KCNIP4: variants seen among roughly 807,000 people sequenced by gnomAD.
KCNIP4 encodes the protein potassium voltage-gated channel interacting protein 4.
A neutral mutation model predicts 34.0 loss-of-function variants in KCNIP4; 12 were observed. The observed-to-expected ratio is 0.35, with a 90% CI of 0.23 to 0.57. The LOEUF (loss-of-function observed/expected upper bound fraction) is 0.57. Ranked by LOEUF, KCNIP4 falls within the 20% of genes least tolerant of loss-of-function variation. The pLI is 0.83. For missense variants in KCNIP4, 238 were observed against 311.7 expected, an observed-to-expected ratio of 0.76 and a Z score of 1.78; for synonymous variants, 124 against 102.2, an observed-to-expected ratio of 1.21 and a Z score of -1.29.
intron 1 of KCNIP4, among the ~76,000 whole-genome samples, chr4:21,565,956 C>T (rs1443831775): frequency 4.0e-5 from 6 of 151,480 alleles, no homozygotes; most frequent in Non-Finnish European, 7.4e-5. Context: ...CCAGATAGCA[C>T]AAAAAAAGAA....
At chr4:21,420,782 A>G (rs114352354) in intron 1 of KCNIP4, among the ~76,000 whole-genome samples, 2,868 of 152,346 alleles carry the variant, frequency 0.019, 89 homozygotes, top group African/African-American at 0.066. Flanking sequence ...GCAAAAGCAG[A>G]TAAATAAGAT....
chr4:20,947,222 G>A (rs1732279982), intron 1 of KCNIP4, among the ~76,000 whole-genome samples: 1 of 152,150 alleles, frequency 6.6e-6, no homozygotes, highest in Non-Finnish European at 1.5e-5. Flanking sequence ...AGGGTGGAGT[G>A]CAGTGGTGCC....
chr4:21,337,856 G>A (rs1351964907), intron 1 of KCNIP4, among the ~76,000 whole-genome samples: 4 of 152,086 alleles, frequency 2.6e-5, no homozygotes, highest in Non-Finnish European at 5.9e-5. Context: ...CAGTTTGTTA[G>A]CATTAGGATT....
At chr4:20,919,277 T>A (rs947408582) in intron 1 of KCNIP4, among the ~76,000 whole-genome samples, 4 of 152,074 alleles carry the variant, frequency 2.6e-5, no homozygotes, top group Admixed American at 2.6e-4. Flanking sequence ...GCTCCTATTA[T>A]TGAACCAGGA....
At position 21,752,574 on chromosome 4, in the gene KCNIP4, G is replaced by T. The variant is rs112180918; in HGVS notation, c.61+195997C>A. Among the ~76,000 whole-genome samples the T allele has an allele frequency of 7.3e-4, 111 of 152,026 alleles. No homozygotes were observed. In the South Asian group the frequency reaches 0.012, roughly 16 times the overall value. On this transcript the variant is annotated intron_variant, in intron 1 of 8. Transcript: ENST00000382152. ...ACACAAAGCCTAACCATATCACATG[G>T]GTACTAGAGGAAGAAAAAAAAGGGA...
At chr4:20,959,673 TCATCG>T (rs1490231445) in intron 1 of KCNIP4, among the ~76,000 whole-genome samples, 5 of 152,194 alleles carry the variant, frequency 3.3e-5, no homozygotes, top group African/African-American at 1.2e-4. Context: ...TACACCACTA[TCATCG>T]CATTTTATGA....
intron 1 of KCNIP4, among the ~76,000 whole-genome samples, chr4:21,897,521 C>T (rs1231860832): frequency 5.3e-5 from 8 of 151,982 alleles, no homozygotes; most frequent in Admixed American, 3.9e-4. Flanking sequence ...TTCCTTTATA[C>T]CTAAGTGCTA....
chr4:20,946,087 G>A (rs534417084), intron 1 of KCNIP4, among the ~76,000 whole-genome samples: 12 of 152,192 alleles, frequency 7.9e-5, no homozygotes, highest in African/African-American at 1.7e-4. Context: ...TTTTGGACAC[G>A]GTCATGAACA....
At position 21,532,508 on chromosome 4, in the gene KCNIP4, G is replaced by C. The variant is rs574352300; in HGVS notation, c.61+416063C>G. Among the ~76,000 whole-genome samples the C allele has an allele frequency of 3.2e-4, 49 of 152,206 alleles. 1 individual carries two copies. Among genetic ancestry groups the C allele is most frequent in the African/African-American group, 1.1e-3 (47 of 41,524 alleles). On this transcript the variant is annotated intron_variant, in intron 1 of 8. Transcript: ENST00000382152. ...TTGTGCATGCTGAAAGACCACAGTG[G>C]GAAGCACACAGGCAGAGGGAAATCT...
rs28415080 is a variant in KCNIP4 at position 21,278,219 on chromosome 4, T to G, written c.62-395510A>C. On this transcript the variant is annotated intron_variant, in intron 1 of 8. Transcript: ENST00000382152. ...AAGATAATTCTTTGTTAACTTTTAT[T>G]TTAAGTTCAGGGGCACATGTGCAGG... Among the ~76,000 whole-genome samples the G allele has an allele frequency of 5.4e-3, 826 of 152,232 alleles. 11 individuals are homozygous for G. Among genetic ancestry groups the G allele is most frequent in the African/African-American group, 0.019 (771 of 41,544 alleles).
intron 1 of KCNIP4, among the ~76,000 whole-genome samples, chr4:21,757,210 A>G (rs867214640): frequency 0.026 from 557 of 21,180 alleles, 5 homozygotes; most frequent in East Asian, 0.054. Context: ...AAAGAAAGAA[A>G]GAAAGAAAGA....
intron 1 of KCNIP4, among the ~76,000 whole-genome samples, chr4:21,063,771 A>G (rs952819590): frequency 1.3e-5 from 2 of 152,140 alleles, no homozygotes; most frequent in African/African-American, 4.8e-5. Context: ...TACCAGTGGG[A>G]AAAAAATAGA....
chr4:20,758,243 C>G (rs1754646912), intron 4 of KCNIP4, among the ~76,000 whole-genome samples: 1 of 152,006 alleles, frequency 6.6e-6, no homozygotes, highest in Non-Finnish European at 1.5e-5. Context: ...GTTTTCTTTC[C>G]AATTAAAATA....
intron 1 of KCNIP4, chr4:21,851,996 ATGTGTGTGTG>A (rs930861529): frequency 9.5e-5 from 1 of 10,572 alleles, no homozygotes; most frequent in Admixed American, 2.2e-3. Flanking sequence ...TTCAATTAAT[ATGTGTGTGTG>A]TGTGTGTGTG....
At chr4:21,492,492 G>A (rs943801631) in intron 1 of KCNIP4, among the ~76,000 whole-genome samples, 1 of 152,116 alleles carries the variant, frequency 6.6e-6, no homozygotes, top group Non-Finnish European at 1.5e-5. Context: ...CCAAAGTGCT[G>A]GGATTACAGG....
chr4:21,562,904 C>T (rs544022820), intron 1 of KCNIP4, among the ~76,000 whole-genome samples: 16 of 152,066 alleles, frequency 1.1e-4, no homozygotes, highest in African/African-American at 3.1e-4. Flanking sequence ...TCAACACTCG[C>T]GTAAATACAC....
intron 1 of KCNIP4, among the ~76,000 whole-genome samples, chr4:21,619,803 T>G (rs368267953): frequency 1.3e-5 from 2 of 152,226 alleles, no homozygotes; most frequent in East Asian, 3.8e-4. Context: ...TGTTTCATGG[T>G]CTAATGGAAG....
chr4:21,824,537 A>G (rs2109296002), intron 1 of KCNIP4, among the ~76,000 whole-genome samples: 1 of 152,270 alleles, frequency 6.6e-6, no homozygotes, highest in Non-Finnish European at 1.5e-5. Context: ...GAAGACAGCA[A>G]GAAAAATCCA....
At chr4:21,658,118 G>A (rs947719369) in intron 1 of KCNIP4, among the ~76,000 whole-genome samples, 2 of 152,070 alleles carry the variant, frequency 1.3e-5, no homozygotes, top group African/African-American at 4.8e-5. Context: ...GATTATAGGC[G>A]TGAGCCACCG....
Sources: allele counts gnomAD v4.1 joint callset (sites outside exome capture counted in the v4.1 genomes callset), GRCh38; gene constraint gnomAD v4.1.1; transcripts MANE v1.5; gene names NCBI Gene and HGNC (gene_info 2026-07-23, HGNC 2026-07-21).